The following SPTAN1 variants were observed in gnomAD, a reference collection of about 807,000 sequenced individuals.
SPTAN1 encodes spectrin alpha, non-erythrocytic 1, also known as spectrin alpha chain, non-erythrocytic 1.
SPTAN1 carries 61 observed loss-of-function variants against 331.3 expected under a neutral mutation model. The observed-to-expected ratio is 0.18, with a 90% confidence interval of 0.15 to 0.23. The LOEUF (loss-of-function observed/expected upper bound fraction) is 0.23, where lower values mean the gene tolerates loss of function less well. Among genes scored for constraint, SPTAN1 ranks in the 10% least tolerant of loss-of-function variants. The pLI is 1.00. For missense variants in SPTAN1, 2,043 were observed against 3,147.9 expected (o/e 0.65, Z 8.40); for synonymous variants, 1,153 against 1,173.9 (o/e 0.98, Z 0.36).
At chr9:128,588,353 C>G (rs1379647542) in intron 20 of SPTAN1, among the ~76,000 whole-genome samples, 1 of 111,434 alleles carries the variant, frequency 9.0e-6, no homozygotes, top group Non-Finnish European at 1.7e-5. Context: ...CTCTTGTTGC[C>G]CAGGTTGAAG....
intron 12 of SPTAN1, 50 bp downstream of exon 12, chr9:128,581,942 G>A (rs772530985): frequency 7.4e-7 from 1 of 1,347,962 alleles, no homozygotes; most frequent in Admixed American, 1.7e-5. Flanking sequence ...TAGTAAGCCA[G>A]AGTCTTTTTC....
chr9:128,565,387 T>C (rs1849903565), intron 1 of SPTAN1, among the ~76,000 whole-genome samples: 1 of 152,214 alleles, frequency 6.6e-6, no homozygotes, highest in Non-Finnish European at 1.5e-5. Context: ...TTTTGGACTG[T>C]GGAAAAACAA....
chr9:128,599,795 A>G, intron 26 of SPTAN1: 1 of 490,880 alleles, frequency 2.0e-6, no homozygotes, highest in South Asian at 2.6e-5. Context: ...TTATGAGTAC[A>G]ACATAAAAGT....
At chr9:128,615,563 G>T (rs1857063837) in intron 40 of SPTAN1, 69 bp from the exon 41 acceptor site, 10 of 1,547,050 alleles carry the variant, frequency 6.5e-6, no homozygotes, top group African/African-American at 2.7e-5. Flanking sequence ...AGGAATTCCT[G>T]AGTTCTTATG....
chr9:128,562,013 T>C (rs993314638), intron 1 of SPTAN1, among the ~76,000 whole-genome samples: 26 of 152,142 alleles, frequency 1.7e-4, no homozygotes, highest in Non-Finnish European at 2.9e-4. Context: ...GGCAGTGTTA[T>C]AAGATGAATG....
intron 3 of SPTAN1, among the ~76,000 whole-genome samples, chr9:128,574,250 C>A (rs1294914653): frequency 6.6e-6 from 1 of 150,880 alleles, no homozygotes; most frequent in Non-Finnish European, 1.5e-5. Flanking sequence ...ATTAGGAATT[C>A]CACTCTAATA....
chr9:128,574,292 A>G (rs1210354278), intron 3 of SPTAN1, among the ~76,000 whole-genome samples: 1 of 149,384 alleles, frequency 6.7e-6, no homozygotes, highest in South Asian at 2.1e-4. Flanking sequence ...TCAATTGTGT[A>G]CCTATTATTA....
rs938037532 is a variant in SPTAN1 at position 128,576,904 on chromosome 9, C to T, written c.733C>T (p.Leu245=). ...AAWQRLKGLA[L]QRQGKLFGAA... ...CTGGCAGCGGCTGAAGGGCCTGGCT[C>T]TGCAGAGGCAGGGGAAGCTCTTTGG... Residue 245 remains leucine, a synonymous_variant, in exon 6 of 57, where the codon CTG becomes TTG. Coordinates refer to ENST00000372739, the MANE Select transcript of SPTAN1 (RefSeq NM_001130438.3). The T allele has an allele frequency of 1.2e-6, 2 of 1,614,030 alleles. No homozygotes were observed. The highest frequency in any genetic ancestry group is 2.7e-5 in the African/African-American group (2 of 74,940).
chr9:128,601,973 G>T (rs4837288), intron 27 of SPTAN1, among the ~76,000 whole-genome samples: 151,841 of 152,308 alleles, frequency 1, 75,690 homozygotes, highest in Middle Eastern at 1. Context: ...GGTCATTGAT[G>T]ATATGAATGG....
chr9:128,564,689 T>A (rs1280234504), intron 1 of SPTAN1, among the ~76,000 whole-genome samples: 1 of 152,226 alleles, frequency 6.6e-6, no homozygotes, highest in Admixed American at 6.5e-5. Flanking sequence ...GAAGTGTGAT[T>A]ACGTCTGAGA....
rs765788448 is a variant in SPTAN1 at position 128,591,616 on chromosome 9, T to C, written c.3146T>C (p.Ile1049Thr). Residue 1049 changes from isoleucine to threonine, a missense_variant, in exon 22 of 57, where the codon ATT becomes ACT. Ile to Thr is a moderately conservative substitution (Grantham distance 89). This residue lies in a region of SPTAN1 where 1,038 missense variants were observed against 1,531.5 expected (regional missense o/e 0.68). Coordinates refer to ENST00000372739, the MANE Select transcript of SPTAN1 (RefSeq NM_001130438.3). ...AGCATAGCACTGCGGCAGGAGCAGATTGACAATCAGTAAGGATGACACTGG... is the reference window on the plus strand; with the variant it reads ...AGCATAGCACTGCGGCAGGAGCAGACTGACAATCAGTAAGGATGACACTGG... ...QGSIALRQEQIDNQTRITKEA... is the reference protein window; with the variant it reads ...QGSIALRQEQTDNQTRITKEA... 3.7e-6 allele frequency: 6 copies of C among 1,614,036 alleles called. No individual in the cohort carries two copies. Among genetic ancestry groups the C allele is most frequent in the South Asian group, 2.2e-5 (2 of 91,074 alleles).
intron 2 of SPTAN1, among the ~76,000 whole-genome samples, chr9:128,568,441 C>G (rs1230506036): frequency 6.6e-6 from 1 of 152,152 alleles, no homozygotes. Context: ...CTAGAAGGGA[C>G]TGGATGTTCA....
At chr9:128,608,349 C>T in intron 34 of SPTAN1, 73 bp downstream of exon 34, 6 of 1,579,800 alleles carry the variant, frequency 3.8e-6, no homozygotes, top group Non-Finnish European at 4.3e-6. Context: ...CTTATATAGT[C>T]ACTGTTATAT....
intron 1 of SPTAN1, among the ~76,000 whole-genome samples, chr9:128,554,000 C>T (rs1312612840): frequency 1.3e-5 from 2 of 152,138 alleles, no homozygotes; most frequent in African/African-American, 4.8e-5. Context: ...AGTCAAGGTT[C>T]CGACTCCTTA....
chr9:128,578,087 T>C (rs750773935), intron 8 of SPTAN1, 23 bp from the exon 9 acceptor site: 1 of 1,614,040 alleles, frequency 6.2e-7, no homozygotes, highest in Non-Finnish European at 8.5e-7. Flanking sequence ...GGAAACATAA[T>C]GTCTTCCTTT....
At chr9:128,628,303 C>T (rs1859111469) in intron 51 of SPTAN1, 2 of 413,238 alleles carry the variant, frequency 4.8e-6, no homozygotes, top group Non-Finnish European at 9.3e-6. Context: ...CTCACCTCTG[C>T]TTCCCCAGCG....
At chr9:128,592,078 T>C (rs866196272) in intron 22 of SPTAN1, among the ~76,000 whole-genome samples, 1 of 152,160 alleles carries the variant, frequency 6.6e-6, no homozygotes. Flanking sequence ...TGTCCCTCCT[T>C]TAGGGTATTT....
Position 128,617,526 on chromosome 9 carries a change from G to T in SPTAN1, c.5358-114G>T, listed in dbSNP as rs554589403. The T allele has an allele frequency of 2.6e-6, 4 of 1,527,314 alleles. No individual in the cohort carries two copies. The Admixed American group carries it at 5.3e-5, about 20-fold the overall frequency. 94.6% of individuals were successfully genotyped at this position (1,527,314 alleles called of 1,614,324 possible). ...TTTTGTTGTTCAGAAAACTGGCAAG[G>T]ATTTTCCCAGAAAGATTAGTAGATG... On this transcript the variant is annotated intron_variant, in intron 41 of 56. Coordinates refer to ENST00000372739, the MANE Select transcript of SPTAN1 (RefSeq NM_001130438.3).
rs768911375 is a variant in SPTAN1 at position 128,632,619 on chromosome 9, A to C, written c.7061A>C (p.Lys2354Thr). ...GGCAGGCTGAACCATCAGGAGTTCA[A>C]ATCTTGCCTGCGCTCCCTGGGCTAT... is the stretch of plus-strand genomic sequence containing the variant. ...KSGRLNHQEF[K>T]SCLRSLGYDL... Residue 2354 changes from lysine (K) to threonine (T), a missense_variant, in exon 55 of 57, where the codon AAA becomes ACA. By Grantham distance (78) the Lys-to-Thr change is moderately conservative. Coordinates refer to ENST00000372739, the MANE Select transcript of SPTAN1 (RefSeq NM_001130438.3). 6.2e-7 allele frequency: 1 copy of C among 1,614,094 alleles called. No individual in the cohort carries two copies. Among genetic ancestry groups the C allele is most frequent in the Non-Finnish European group, 8.5e-7 (1 of 1,180,036 alleles).
Sources: gnomAD v4.1 joint callset for allele counts (sites outside exome capture counted in the v4.1 genomes callset) on GRCh38, gnomAD v4.1.1 for gene constraint, gnomAD v4.1.1 regional missense constraint, MANE v1.5 for transcripts, NCBI Gene and HGNC (gene_info 2026-07-23, HGNC 2026-07-21) for gene names.